The following HMGCLL1 variants were observed in gnomAD, a reference collection of about 807,000 sequenced individuals.
The protein encoded by HMGCLL1 is 3-hydroxy-3-methylglutaryl-CoA lyase like 1.
HMGCLL1 carries 36 observed loss-of-function variants against 39.1 expected under a neutral mutation model. The ratio of observed to expected loss-of-function variants is 0.92; its 90% confidence interval spans 0.71 to 1.22. The LOEUF (loss-of-function observed/expected upper bound fraction) is 1.22, where lower values mean the gene tolerates loss of function less well. Ranked by LOEUF, HMGCLL1 falls within the 50% of genes most tolerant of loss-of-function variation. The pLI is 0.00. For missense variants in HMGCLL1, 451 were observed against 416.5 expected, an observed-to-expected ratio of 1.08 and a Z score of -0.72; for synonymous variants, 149 against 144.0, an observed-to-expected ratio of 1.03 and a Z score of -0.25.
At chr6:55,651,016 T>G in the HMGCLL1 span, among the ~76,000 whole-genome samples, 8,320 of 152,158 alleles carry the variant, frequency 0.055, 385 homozygotes, top group Non-Finnish European at 0.077. Flanking sequence ...CCTAAGAGCC[T>G]GCTTGTTGGT....
At chr6:55,632,647 CTTA>C in the HMGCLL1 span, among the ~76,000 whole-genome samples, 9 of 151,882 alleles carry the variant, frequency 5.9e-5, no homozygotes, top group Non-Finnish European at 1.3e-4. Context: ...TAGGGGCCTA[CTTA>C]TTATATCAAT....
At chr6:55,560,830 G>C (rs12199583) in intron 1 of HMGCLL1, among the ~76,000 whole-genome samples, 33,382 of 152,020 alleles carry the variant, frequency 0.22, 3,883 homozygotes, top group Admixed American at 0.27. Flanking sequence ...TCTGCAGACT[G>C]AAACACCAAA....
At chr6:55,642,234 G>A in the HMGCLL1 span, among the ~76,000 whole-genome samples, 60,244 of 147,584 alleles carry the variant, frequency 0.41, 12,895 homozygotes, top group Middle Eastern at 0.57. Context: ...CAAAGGACAC[G>A]AACTCATCAT....
At chr6:55,557,660 G>A (rs1169928367) in intron 1 of HMGCLL1, among the ~76,000 whole-genome samples, 1 of 152,072 alleles carries the variant, frequency 6.6e-6, no homozygotes, top group Non-Finnish European at 1.5e-5. Context: ...TTGGGAATGT[G>A]AGCAGGCTGG....
the HMGCLL1 span, among the ~76,000 whole-genome samples, chr6:55,609,027 A>T: frequency 8.5e-5 from 13 of 152,188 alleles, no homozygotes; most frequent in Non-Finnish European, 1.3e-4. Context: ...AGCCAGGGAA[A>T]CCATGCTTTT....
In HMGCLL1 at chr6:55,478,314, A is replaced by G. The variant is rs1765565255; in HGVS notation, c.795+17105T>C. Among the ~76,000 whole-genome samples the G allele has an allele frequency of 2.0e-5, 3 of 151,516 alleles. No individual in the cohort carries two copies. The South Asian group carries it at 6.2e-4, about 31-fold the overall frequency. ...GGCTCATGAAGGAATTCAAAGTTCT[A>G]CCGAAAATCAATAAAGGCTTTCGAA... On this transcript the variant is annotated intron_variant, in intron 7 of 8. Coordinates refer to ENST00000274901, the MANE Select transcript of HMGCLL1 (RefSeq NM_001042406.2).
chr6:55,561,664 A>C (rs918966638), intron 1 of HMGCLL1, among the ~76,000 whole-genome samples: 2 of 152,184 alleles, frequency 1.3e-5, no homozygotes, highest in Non-Finnish European at 2.9e-5. Flanking sequence ...TCTAAATAAC[A>C]GTTTATCATC....
At chr6:55,638,158 C>A in the HMGCLL1 span, among the ~76,000 whole-genome samples, 1 of 152,048 alleles carries the variant, frequency 6.6e-6, no homozygotes, top group African/African-American at 2.4e-5. Flanking sequence ...GTAATCCCAG[C>A]ACTTTGGGAG....
chr6:55,480,037 T>C (rs1286792573), intron 7 of HMGCLL1, among the ~76,000 whole-genome samples: 1 of 151,670 alleles, frequency 6.6e-6, no homozygotes, highest in East Asian at 1.9e-4. Context: ...ATGTTTCTTT[T>C]AGTAATTTCA....
chr6:55,516,654 G>A (rs779851827), intron 3 of HMGCLL1, 51 bp from the exon 4 acceptor site: 44 of 1,227,784 alleles, frequency 3.6e-5, no homozygotes, highest in African/African-American at 8.9e-5. Flanking sequence ...ATATGTTACC[G>A]AGAATCATTT....
At position 55,439,475 on chromosome 6, in the gene HMGCLL1, C is replaced by T. The variant is rs761997706; in HGVS notation, c.880G>A (p.Glu294Lys). ...CCATTAAGCATATATATCAAATCCT[C>T]AGTGGCTACATTCCCAGAAGCACCT... is the stretch of plus-strand genomic sequence containing the variant. ...AKGASGNVAT[E>K]DLIYMLNGLG... is the part of the protein sequence containing the mutation. Residue 294 changes from glutamate (E) to lysine (K), a missense_variant, in exon 8 of 9, where the codon GAG (glutamate) becomes AAG (lysine). Physicochemically the swap from Glu to Lys is moderately conservative, Grantham distance 56. Transcript: ENST00000274901. 2.4e-5 allele frequency: 38 copies of T among 1,612,674 alleles called. No individual in the cohort carries two copies. The Admixed American group carries it at 6.2e-4, about 26-fold the overall frequency.
chr6:55,556,641 A>G (rs913915976), intron 1 of HMGCLL1, among the ~76,000 whole-genome samples: 5 of 152,162 alleles, frequency 3.3e-5, no homozygotes, highest in African/African-American at 9.7e-5. Context: ...TCTGAGGTAC[A>G]TTGGACTATG....
At chr6:55,535,289 G>A (rs1448110451) in intron 3 of HMGCLL1, among the ~76,000 whole-genome samples, 2 of 152,170 alleles carry the variant, frequency 1.3e-5, no homozygotes, top group Non-Finnish European at 2.9e-5. Flanking sequence ...CTCTTATAAG[G>A]AAGCAACACT....
chr6:55,481,385 A>T (rs1235486607), intron 7 of HMGCLL1, among the ~76,000 whole-genome samples: 4 of 152,078 alleles, frequency 2.6e-5, no homozygotes, highest in Non-Finnish European at 4.4e-5. Flanking sequence ...ACATTTAAAA[A>T]TAACTAAAAG....
At chr6:55,587,386 C>T in the HMGCLL1 span, among the ~76,000 whole-genome samples, 1 of 151,990 alleles carries the variant, frequency 6.6e-6, no homozygotes, top group Non-Finnish European at 1.5e-5. Context: ...TTGTCACCAC[C>T]AGGCCTGCCT....
chr6:55,548,023 C>T (rs1770089207), intron 1 of HMGCLL1, among the ~76,000 whole-genome samples: 1 of 152,036 alleles, frequency 6.6e-6, no homozygotes, highest in East Asian at 1.9e-4. Flanking sequence ...TATGTGCCAA[C>T]GTTGATTCAC....
chr6:55,676,510 T>G, the HMGCLL1 span, among the ~76,000 whole-genome samples: 2 of 152,226 alleles, frequency 1.3e-5, no homozygotes, highest in Non-Finnish European at 2.9e-5. Flanking sequence ...TGGCCTAAAT[T>G]TTTCCCTTTT....
chr6:55,677,387 C>A, the HMGCLL1 span, among the ~76,000 whole-genome samples: 9 of 152,188 alleles, frequency 5.9e-5, no homozygotes, highest in Non-Finnish European at 8.8e-5. Flanking sequence ...AACAACCCCC[C>A]CGACACATAC....
chr6:55,586,443 G>A, the HMGCLL1 span, among the ~76,000 whole-genome samples: 3 of 151,630 alleles, frequency 2.0e-5, no homozygotes, highest in Non-Finnish European at 4.4e-5. Context: ...TGTGCACAAT[G>A]AGCAGGTTTG....
Sources: allele counts gnomAD v4.1 joint callset (sites outside exome capture counted in the v4.1 genomes callset), GRCh38; gene constraint gnomAD v4.1.1; transcripts MANE v1.5; gene names NCBI Gene and HGNC (gene_info 2026-07-23, HGNC 2026-07-21).